The following SLC9D1 variants were observed in gnomAD, a reference collection of about 807,000 sequenced individuals.
The protein encoded by SLC9D1 is solute carrier family 9 member D1, also known as putative LAG1-interacting protein.
chr13:113,508,542 C>T, the SLC9D1 span, among the ~76,000 whole-genome samples: 1 of 152,184 alleles, frequency 6.6e-6, no homozygotes, highest in East Asian at 1.9e-4. Flanking sequence ...TTTGTGGGAC[C>T]GACCCTTCCC....
chr13:113,525,883 T>TGTGCCGGTTATTCTAGAAC, the SLC9D1 span, among the ~76,000 whole-genome samples: 1 of 151,566 alleles, frequency 6.6e-6, no homozygotes, highest in Non-Finnish European at 1.5e-5. Context: ...ACGACAGCTC[T>TGTGCCGGTTATTCTAGAAC]GTGCCGGTTA....
chr13:113,500,081 A>G, the SLC9D1 span: 2 of 1,597,546 alleles, frequency 1.3e-6, no homozygotes, highest in Non-Finnish European at 1.7e-6. Context: ...TGACTCCCAG[A>G]ACAACCAGTA....
chr13:113,502,759 G>A, the SLC9D1 span, among the ~76,000 whole-genome samples: 2 of 152,180 alleles, frequency 1.3e-5, no homozygotes, highest in Non-Finnish European at 2.9e-5. Context: ...GGTGGGACGG[G>A]GAGGAGTGCA....
chr13:113,545,234 C>T, the SLC9D1 span, among the ~76,000 whole-genome samples: 4 of 152,212 alleles, frequency 2.6e-5, no homozygotes, highest in African/African-American at 9.6e-5. Context: ...ATTTCCTTTA[C>T]TCAGCCTCCA....
the SLC9D1 span, among the ~76,000 whole-genome samples, chr13:113,514,075 T>C: frequency 6.6e-6 from 1 of 152,104 alleles, no homozygotes; most frequent in African/African-American, 2.4e-5. Flanking sequence ...GAGAAGGAAA[T>C]AGAAAATATC....
At chr13:113,499,814 C>T in the SLC9D1 span, 1 of 449,256 alleles carries the variant, frequency 2.2e-6, no homozygotes, top group Non-Finnish European at 3.8e-6. Flanking sequence ...TCTTAAATTA[C>T]TTCTTTAATT....
chr13:113,531,862 T>G, the SLC9D1 span, among the ~76,000 whole-genome samples: 1 of 152,230 alleles, frequency 6.6e-6, no homozygotes, highest in Non-Finnish European at 1.5e-5. Context: ...TAATGGACAC[T>G]GTGGGAGTCT....
the SLC9D1 span, chr13:113,548,210 G>C: frequency 1.4e-6 from 2 of 1,437,756 alleles, no homozygotes; most frequent in Non-Finnish European, 1.9e-6. Context: ...CCATCGCAGC[G>C]TGCCTGTGGC....
At chr13:113,510,313 C>A in the SLC9D1 span, 1 of 1,614,218 alleles carries the variant, frequency 6.2e-7, no homozygotes, top group Non-Finnish European at 8.5e-7. Flanking sequence ...GTGGGGGCAT[C>A]TCTTGCGGAT....
At chr13:113,526,836 C>T in the SLC9D1 span, among the ~76,000 whole-genome samples, 1 of 152,248 alleles carries the variant, frequency 6.6e-6, no homozygotes, top group Non-Finnish European at 1.5e-5. Context: ...AACCTCCAGT[C>T]CTGCAAGCGC....
chr13:113,547,136 G>T, the SLC9D1 span: 676 of 632,414 alleles, frequency 1.1e-3, 3 homozygotes, highest in African/African-American at 0.011. Flanking sequence ...GCTCAGGAAA[G>T]GGGCGGCTTT....
chr13:113,495,955 A>G, the SLC9D1 span: 1 of 1,613,966 alleles, frequency 6.2e-7, no homozygotes, highest in Non-Finnish European at 8.5e-7. Flanking sequence ...CAGGGGGATT[A>G]CAAAGATGTC....
chr13:113,501,778 C>T, the SLC9D1 span: 242,555 of 1,607,236 alleles, frequency 0.15, 21,169 homozygotes, highest in African/African-American at 0.36. Context: ...GAATGCTGTC[C>T]TTGCCTTGTG....
chr13:113,493,918 T>C, the SLC9D1 span, among the ~76,000 whole-genome samples: 1 of 152,210 alleles, frequency 6.6e-6, no homozygotes, highest in Non-Finnish European at 1.5e-5. Flanking sequence ...ATAAGGTTTG[T>C]CTCTTTCTGT....
the SLC9D1 span, among the ~76,000 whole-genome samples, chr13:113,506,437 G>C: frequency 3.4e-5 from 5 of 146,970 alleles, 1 homozygote; most frequent in African/African-American, 1.3e-4. Context: ...GCCTGTGGAG[G>C]AGCCTGTTAT....
chr13:113,547,140 C>T, the SLC9D1 span: 7 of 638,962 alleles, frequency 1.1e-5, no homozygotes, highest in African/African-American at 1.8e-5. Context: ...AGGAAAGGGG[C>T]GGCTTTTTAG....
At chr13:113,492,879 C>G in the SLC9D1 span, among the ~76,000 whole-genome samples, 1 of 152,088 alleles carries the variant, frequency 6.6e-6, no homozygotes, top group African/African-American at 2.4e-5. Flanking sequence ...GCCTGGGTGA[C>G]AAGAGCAAAA....
chr13:113,502,020 C>G, the SLC9D1 span: 1 of 694,252 alleles, frequency 1.4e-6, no homozygotes. Flanking sequence ...TTTCAGGTGT[C>G]ACGGGAAGTC....
the SLC9D1 span, among the ~76,000 whole-genome samples, chr13:113,538,044 T>G: frequency 1.9e-4 from 29 of 151,726 alleles, no homozygotes; most frequent in Admixed American, 2.0e-4. Context: ...TGGGGTATGC[T>G]TTATGTGATG....
Sources: allele counts gnomAD v4.1 joint callset (sites outside exome capture counted in the v4.1 genomes callset), GRCh38; gene constraint gnomAD v4.1.1; transcripts MANE v1.5; gene names NCBI Gene and HGNC (gene_info 2026-07-23, HGNC 2026-07-21).